Variants in GALNT13 observed in about 807,000 individuals in gnomAD.
GALNT13 encodes the protein polypeptide N-acetylgalactosaminyltransferase 13.
GALNT13 carries 28 observed loss-of-function variants against 64.2 expected under a neutral mutation model. The observed-to-expected ratio is 0.44, with a 90% CI of 0.32 to 0.60. The LOEUF (loss-of-function observed/expected upper bound fraction) is 0.60, where lower values mean the gene tolerates loss of function less well. Ranked by LOEUF, GALNT13 falls within the 20% of genes least tolerant of loss-of-function variation. GALNT13 has a pLI of 0.05. For synonymous variants in GALNT13, 214 were observed against 224.6 expected, an observed-to-expected ratio of 0.95 and a Z score of 0.42; for missense variants, 577 against 669.8, an observed-to-expected ratio of 0.86 and a Z score of 1.53.
the GALNT13 span, among the ~76,000 whole-genome samples, chr2:153,375,394 A>C: frequency 6.6e-6 from 1 of 152,202 alleles, no homozygotes; most frequent in East Asian, 1.9e-4. Context: ...CTTGGTCATG[A>C]AGGCCATACT....
At chr2:153,390,091 G>T in the GALNT13 span, among the ~76,000 whole-genome samples, 114 of 152,176 alleles carry the variant, frequency 7.5e-4, no homozygotes, top group Admixed American at 5.4e-3. Flanking sequence ...ACTGTATTAA[G>T]AAAATGTGGC....
the GALNT13 span, among the ~76,000 whole-genome samples, chr2:153,250,248 G>A: frequency 1.3e-5 from 2 of 152,192 alleles, no homozygotes; most frequent in African/African-American, 4.8e-5. Context: ...CTTCCGAAAA[G>A]AAGACATTTA....
At chr2:153,967,521 G>A (rs796275931) in intron 3 of GALNT13, among the ~76,000 whole-genome samples, 1 of 152,128 alleles carries the variant, frequency 6.6e-6, no homozygotes, top group Non-Finnish European at 1.5e-5. Flanking sequence ...TGGATTTGGG[G>A]AAGACAGAGT....
the GALNT13 span, among the ~76,000 whole-genome samples, chr2:153,438,462 C>G: frequency 6.6e-6 from 1 of 152,210 alleles, no homozygotes; most frequent in Non-Finnish European, 1.5e-5. Context: ...TTCAGGTACA[C>G]CAATCAGATG....
intron 9 of GALNT13, among the ~76,000 whole-genome samples, chr2:154,321,284 G>A (rs148383413): frequency 0.02 from 3,011 of 152,176 alleles, 49 homozygotes; most frequent in Middle Eastern, 0.038. Flanking sequence ...TCTTTCACAG[G>A]TGGAGCTTTG....
chr2:153,758,978 C>A, the GALNT13 span, among the ~76,000 whole-genome samples: 1 of 152,148 alleles, frequency 6.6e-6, no homozygotes, highest in Non-Finnish European at 1.5e-5. Flanking sequence ...TTTCTTTCAT[C>A]AAAGCTTTGA....
At chr2:153,435,749 G>T in the GALNT13 span, among the ~76,000 whole-genome samples, 1 of 152,098 alleles carries the variant, frequency 6.6e-6, no homozygotes, top group South Asian at 2.1e-4. Context: ...GGGTTTTCTA[G>T]ATACACAGTC....
the GALNT13 span, among the ~76,000 whole-genome samples, chr2:153,346,152 G>A: frequency 5.9e-5 from 9 of 151,984 alleles, no homozygotes; most frequent in Admixed American, 5.9e-4. Context: ...CTTGAACTCC[G>A]AAGCTCCAGC....
chr2:153,248,940 G>A, the GALNT13 span, among the ~76,000 whole-genome samples: 1 of 151,274 alleles, frequency 6.6e-6, no homozygotes, highest in African/African-American at 2.4e-5. Flanking sequence ...ATGGGAAAAA[G>A]CTGGAAGCAT....
At chr2:153,568,087 G>A in the GALNT13 span, among the ~76,000 whole-genome samples, 1 of 152,238 alleles carries the variant, frequency 6.6e-6, no homozygotes, top group South Asian at 2.1e-4. Context: ...AGAAATTCTC[G>A]AATAATAGAT....
the GALNT13 span, among the ~76,000 whole-genome samples, chr2:153,199,662 A>G: frequency 2.1e-3 from 318 of 152,340 alleles, no homozygotes; most frequent in African/African-American, 7.1e-3. Flanking sequence ...ATGTGATTAT[A>G]GTCTAAAAAT....
the GALNT13 span, among the ~76,000 whole-genome samples, chr2:153,355,812 A>G: frequency 6.6e-6 from 1 of 152,216 alleles, no homozygotes; most frequent in Non-Finnish European, 1.5e-5. Flanking sequence ...AGAGTTTTCA[A>G]AAGACTGTGT....
At chr2:154,420,401 C>T (rs1700199784) in intron 11 of GALNT13, among the ~76,000 whole-genome samples, 1 of 152,116 alleles carries the variant, frequency 6.6e-6, no homozygotes, top group Non-Finnish European at 1.5e-5. Flanking sequence ...CTTATTACTC[C>T]TGTGTACTCT....
chr2:154,360,091 AAAT>A (rs1462621449), intron 9 of GALNT13, among the ~76,000 whole-genome samples: 1 of 152,146 alleles, frequency 6.6e-6, no homozygotes, highest in Non-Finnish European at 1.5e-5. Flanking sequence ...TTCTTTTAAA[AAAT>A]AATAATCATG....
In GALNT13 at chr2:154,220,536, G is replaced by T. The variant is rs868204807; in HGVS notation, c.312-21494G>T. 2.6e-5 allele frequency among the ~76,000 whole-genome samples: 4 copies of T among 151,988 alleles called. No homozygotes were observed. In the South Asian group the frequency reaches 6.2e-4, roughly 24 times the overall value. On this transcript the variant is annotated intron_variant, in intron 4 of 12. Transcript: ENST00000392825. ...TTCACTTCAAATCTTAAAAATACAT[G>T]TGCACATATGCATACACACATATTT...
the GALNT13 span, among the ~76,000 whole-genome samples, chr2:153,118,960 G>A: frequency 2.6e-5 from 4 of 152,208 alleles, no homozygotes; most frequent in Admixed American, 2.6e-4. Context: ...ATTGAATCAT[G>A]GGAGTGGTTA....
the GALNT13 span, among the ~76,000 whole-genome samples, chr2:153,452,241 A>AT: frequency 3.3e-5 from 5 of 152,178 alleles, no homozygotes; most frequent in Non-Finnish European, 5.9e-5. Flanking sequence ...TTTGTATGTG[A>AT]TTTTCTGACC....
chr2:153,941,138 G>A (rs1691309829), intron 2 of GALNT13, among the ~76,000 whole-genome samples: 1 of 151,998 alleles, frequency 6.6e-6, no homozygotes, highest in Admixed American at 6.6e-5. Context: ...TTCCATTACA[G>A]GCACACGCCA....
chr2:153,423,220 T>A, the GALNT13 span, among the ~76,000 whole-genome samples: 1 of 151,938 alleles, frequency 6.6e-6, no homozygotes, highest in Non-Finnish European at 1.5e-5. Flanking sequence ...TAAAACGTGA[T>A]AAATTAACAT....
Sources: allele counts gnomAD v4.1 joint callset (sites outside exome capture counted in the v4.1 genomes callset), GRCh38; gene constraint gnomAD v4.1.1; transcripts MANE v1.5; gene names NCBI Gene and HGNC (gene_info 2026-07-23, HGNC 2026-07-21).